Variants in TRIM55 observed in about 807,000 individuals in gnomAD.
TRIM55 encodes the protein tripartite motif-containing protein 55.
Under a neutral mutation model 60.9 loss-of-function variants are expected in TRIM55, and 50 were observed. That is an observed-to-expected ratio of 0.82 (90% CI 0.65 to 1.04). The LOEUF (loss-of-function observed/expected upper bound fraction) is 1.04. TRIM55 is among the 50% of genes least tolerant of loss of function. TRIM55 has a pLI of 0.00. For synonymous variants in TRIM55, 237 were observed against 238.1 expected (o/e 1.00, Z 0.04); for missense variants, 681 against 666.9 (o/e 1.02, Z -0.23).
At chr8:66,134,081 A>ATTTATTT (rs1809334202) in intron 2 of TRIM55, among the ~76,000 whole-genome samples, 1 of 152,176 alleles carries the variant, frequency 6.6e-6, no homozygotes, top group Admixed American at 6.5e-5. Context: ...TTTTTATTTT[A>ATTTATTT]ACAATGCAGA....
At chr8:66,155,671 A>C in intron 9 of TRIM55, 1 of 1,613,268 alleles carries the variant, frequency 6.2e-7, no homozygotes, top group Non-Finnish European at 8.5e-7. Flanking sequence ...TCTTCACTAC[A>C]TCTGGAGTCA....
At chr8:66,130,213 A>T (rs1809056919) in intron 2 of TRIM55, among the ~76,000 whole-genome samples, 1 of 152,244 alleles carries the variant, frequency 6.6e-6, no homozygotes, top group African/African-American at 2.4e-5. Context: ...CAGCTGCCAA[A>T]AATAGTACCC....
upstream of TRIM55, among the ~76,000 whole-genome samples, chr8:66,125,636 T>TA (rs1003642915): frequency 4.6e-5 from 7 of 152,262 alleles, no homozygotes; most frequent in African/African-American, 1.2e-4. Context: ...AGTAACTCAG[T>TA]AAAAAAACTT....
chr8:66,131,079 T>A (rs964407161), intron 2 of TRIM55, among the ~76,000 whole-genome samples: 1 of 152,046 alleles, frequency 6.6e-6, no homozygotes, highest in African/African-American at 2.4e-5. Flanking sequence ...TAATAATAAT[T>A]AACTTTAAAA....
At chr8:66,137,038 C>T (rs1259099718) in intron 3 of TRIM55, 57 bp from the exon 4 acceptor site, 27 of 1,422,882 alleles carry the variant, frequency 1.9e-5, no homozygotes, top group South Asian at 1.3e-4. Flanking sequence ...GACCAATTCA[C>T]AGTCGGGGTG....
chr8:66,149,245 A>G (rs1235803444), intron 4 of TRIM55, among the ~76,000 whole-genome samples: 1 of 152,166 alleles, frequency 6.6e-6, no homozygotes, highest in Non-Finnish European at 1.5e-5. Flanking sequence ...TTAAGGTACA[A>G]ACCAGGAAGT....
In TRIM55 at chr8:66,162,662, G is replaced by A. The variant is rs576721180; in HGVS notation, c.1524+8328G>A. On this transcript the variant is annotated intron_variant, in intron 9 of 9. Transcript: ENST00000315962. ...TCCATCTGGTCCTAGACCTTTTTTT[G>A]TTGGCAATGTTTTTATTACCATTTC... is the stretch of plus-strand genomic sequence containing the variant. Among the ~76,000 whole-genome samples the A allele has an allele frequency of 3.3e-5, 5 of 151,606 alleles. No homozygotes were observed. The South Asian group carries it at 8.3e-4, about 25-fold the overall frequency.
At chr8:66,163,820 T>C (rs1811176173) in intron 9 of TRIM55, among the ~76,000 whole-genome samples, 1 of 152,240 alleles carries the variant, frequency 6.6e-6, no homozygotes, top group Admixed American at 6.5e-5. Context: ...AAGTCTACTA[T>C]GTCCATATGG....
At chr8:66,130,456 G>C (rs1342667684) in intron 2 of TRIM55, among the ~76,000 whole-genome samples, 1 of 151,742 alleles carries the variant, frequency 6.6e-6, no homozygotes, top group African/African-American at 2.4e-5. Context: ...GGGGCAGACA[G>C]CCTTACTAGA....
intron 9 of TRIM55, among the ~76,000 whole-genome samples, chr8:66,156,671 G>C (rs572608539): frequency 6.6e-6 from 1 of 152,016 alleles, no homozygotes; most frequent in Non-Finnish European, 1.5e-5. Flanking sequence ...GAAAAGCCTC[G>C]GCTATTTCTG....
intron 9 of TRIM55, among the ~76,000 whole-genome samples, chr8:66,169,395 A>T (rs546341010): frequency 6.6e-6 from 1 of 152,326 alleles, no homozygotes; most frequent in African/African-American, 2.4e-5. Flanking sequence ...TTCACTGTCA[A>T]GATTCTTGCC....
chr8:66,119,033 A>G, the TRIM55 span, among the ~76,000 whole-genome samples: 2 of 152,220 alleles, frequency 1.3e-5, no homozygotes, highest in African/African-American at 4.8e-5. Flanking sequence ...TGGGATTAAA[A>G]TAATTTTCAG....
At chr8:66,116,539 C>G in the TRIM55 span, among the ~76,000 whole-genome samples, 1 of 149,366 alleles carries the variant, frequency 6.7e-6, no homozygotes, top group Admixed American at 6.7e-5. Flanking sequence ...CCTGAGAGGT[C>G]GAGGCTGCAG....
chr8:66,127,262 C>A lies in TRIM55; in HGVS notation c.-7C>A, dbSNP rs1808859223. On this transcript the variant is annotated 5_prime_UTR_variant, in exon 1 of 10. Transcript: ENST00000315962. The stretch of plus-strand genomic sequence containing the variant: ...TCCCTGGCAGCACACTTGGGGACAG[C>A]GAGGAGATGAGCGCATCTCTGAATT... 1.2e-6 allele frequency: 2 copies of A among 1,612,278 alleles called. No homozygotes were observed. Among genetic ancestry groups the A allele is most frequent in the Non-Finnish European group, 1.7e-6 (2 of 1,178,896 alleles).
At chr8:66,130,564 G>GGGA (rs1809082859) in intron 2 of TRIM55, among the ~76,000 whole-genome samples, 1 of 150,948 alleles carries the variant, frequency 6.6e-6, no homozygotes, top group South Asian at 2.1e-4. Flanking sequence ...AAGGGGGTCG[G>GGGA]GGGGGGTGAC....
chr8:66,145,393 T>A (rs936279263), intron 4 of TRIM55, among the ~76,000 whole-genome samples: 1 of 152,228 alleles, frequency 6.6e-6, no homozygotes, highest in Non-Finnish European at 1.5e-5. Flanking sequence ...AGAATTATAT[T>A]AAAAGCTAAT....
rs1353981145 is a variant in TRIM55 at position 66,154,296 on chromosome 8, AGT to A, written c.1488_1489del (p.Ser496ArgfsTer2). The A allele has an allele frequency of 1.2e-6, 2 of 1,614,108 alleles. No individual in the cohort carries two copies. The highest frequency in any genetic ancestry group is 2.7e-5 in the African/African-American group (2 of 75,022). ...CGCAGCGAGTGAGAGGGCAGCTGTGAGTGGTAAGGAAACTAGTGCACCTGCAG... is the reference window on the plus strand; with the variant it reads ...CGCAGCGAGTGAGAGGGCAGCTGTGAGGTAAGGAAACTAGTGCACCTGCAG... ...AAAASERAAV[S>X]GKETSAPAAT... On this transcript the variant is annotated frameshift_variant, in exon 9 of 10. Coordinates refer to ENST00000315962, the MANE Select transcript of TRIM55 (RefSeq NM_184085.2). LOFTEE classifies it high-confidence loss of function.
chr8:66,132,886 TC>T (rs1347978270), intron 2 of TRIM55, among the ~76,000 whole-genome samples: 3 of 152,194 alleles, frequency 2.0e-5, no homozygotes, highest in Admixed American at 6.5e-5. Context: ...ATAAATTGAA[TC>T]ACAAACAAAA....
rs367993776 is a variant in TRIM55, at chr8:66,128,347, C to G, written c.212C>G (p.Ala71Gly). 4 of 1,613,346 alleles carry G rather than the reference C, an allele frequency of 2.5e-6. No homozygotes were observed. Among genetic ancestry groups the G allele is most frequent in the South Asian group, 1.1e-5 (1 of 90,902 alleles). The part of the protein sequence containing the change: ...YLPTRGGTTM[A>G]SGGRFRCPSC... ...CCCACAAGAGGAGGTACCACCATGG[C>G]ATCAGGGGGCCGATTCCGCTGCCCA... is the stretch of plus-strand genomic sequence containing the variant. Residue 71 changes from alanine to glycine, a missense_variant, in exon 2 of 10, where the codon GCA becomes GGA. Ala to Gly is a moderately conservative substitution (Grantham distance 60). Coordinates refer to ENST00000315962, the MANE Select transcript of TRIM55 (RefSeq NM_184085.2).
Sources: gnomAD v4.1 joint callset for allele counts (sites outside exome capture counted in the v4.1 genomes callset) on GRCh38, gnomAD v4.1.1 for gene constraint, MANE v1.5 for transcripts, NCBI Gene and HGNC (gene_info 2026-07-23, HGNC 2026-07-21) for gene names.